ACIN1: variants seen among roughly 807,000 people sequenced by gnomAD.
ACIN1 encodes apoptotic chromatin condensation inducer in the nucleus.
Under a neutral mutation model 146.6 loss-of-function variants are expected in ACIN1, and 16 were observed. The ratio of observed to expected loss-of-function variants is 0.11; its 90% CI spans 0.07 to 0.17. The LOEUF is 0.17. Ranked by LOEUF, ACIN1 falls within the 10% of genes least tolerant of loss-of-function variation. The pLI is 1.00. For missense variants in ACIN1, 1,357 were observed against 1,609.3 expected (o/e 0.84, Z 2.68); for synonymous variants, 569 against 582.7 (o/e 0.98, Z 0.34).
rs777970125 is a variant in ACIN1 at position 23,064,245 on chromosome 14, C to T, written c.2455G>A (p.Asp819Asn). The T allele has an allele frequency of 2.3e-5, 37 of 1,614,038 alleles. No homozygotes were observed. Among genetic ancestry groups the T allele is most frequent in the African/African-American group, 4.0e-5 (3 of 75,068 alleles). The change falls in exon 12 of 19, where the codon GAC (aspartate) becomes AAC (asparagine). Residue 819 changes from aspartate (D) to asparagine (N), a missense_variant. Coordinates refer to ENST00000605057, the MANE Select transcript of ACIN1 (RefSeq NM_001386863.1). ...TTESLKSLIP[D>N]IKPLAGQEAV... Reference sequence around the variant, plus strand: ...TCCTGCCCCGCCAGGGGTTTGATGTCGGGGATGAGGCTCTGGGACACAGAT... The same window carrying T: ...TCCTGCCCCGCCAGGGGTTTGATGTTGGGGATGAGGCTCTGGGACACAGAT...
At position 23,067,933 on chromosome 14, in the gene ACIN1, G is replaced by C; in HGVS notation, c.2265+1543C>G. On this transcript the variant is annotated intron_variant, in intron 9 of 18. Transcript: ENST00000605057. The surrounding 1 kb of genome is among the most constrained non-coding windows in gnomAD (Gnocchi z 4.6). ...CAAGGTCAGAATACTTCTCTTCGGA[G>C]AGTTGTGGCTGGCATCTCCTCAGGG... 1 of 985,864 alleles carries C rather than the reference G, an allele frequency of 1.0e-6. No homozygotes were observed. Among genetic ancestry groups the C allele is most frequent in the African/African-American group, 1.7e-5 (1 of 57,336 alleles). 61.1% of individuals were successfully genotyped at this position (985,864 alleles called of 1,614,324 possible). A position where few individuals can be genotyped will look rare whatever the true frequency, so the allele number is the denominator to read the frequency against.
chr14:23,089,930 C>T (rs973544987), intron 4 of ACIN1, 52 bp downstream of exon 4: 4 of 1,498,732 alleles, frequency 2.7e-6, no homozygotes, highest in Admixed American at 2.1e-5. Flanking sequence ...TACCTCCCCC[C>T]ACCAACTACG....
intron 8 of ACIN1, chr14:23,070,999 G>A (rs2047627436): frequency 8.2e-6 from 9 of 1,094,738 alleles, no homozygotes; most frequent in Non-Finnish European, 1.2e-5. Context: ...AGGACAAAGG[G>A]GGAAGGCAGA....
chr14:23,071,685 ACT>A, intron 8 of ACIN1: 2 of 920,968 alleles, frequency 2.2e-6, no homozygotes, highest in Non-Finnish European at 3.1e-6. Context: ...CAGGGAGCCG[ACT>A]GCTGGCTCCA....
intron 8 of ACIN1, chr14:23,071,181 C>T: frequency 6.5e-7 from 1 of 1,543,286 alleles, no homozygotes; most frequent in Non-Finnish European, 8.7e-7. Flanking sequence ...TGCTGTTTAT[C>T]CCTTTCTGGA....
In ACIN1 at chr14:23,090,577, C is replaced by T. The variant is rs111534949; in HGVS notation, c.261G>A (p.Gln87=). 1.1e-5 allele frequency: 17 copies of T among 1,614,132 alleles called. No individual in the cohort carries two copies. Among genetic ancestry groups the T allele is most frequent in the African/African-American group, 9.3e-5 (7 of 75,042 alleles). Residue 87 remains glutamine, a synonymous_variant, in exon 3 of 19, where the codon CAG becomes CAA. Transcript: ENST00000605057. ...GTTCCAGACGCTGCCTAAGTAGCTC[C>T]TGCTGCTTTTCCAGATACTGTTTTA... The part of the protein sequence containing the change: ...SFIKQYLEKQ[Q]ELLRQRLERE...
intron 17 of ACIN1, 25 bp downstream of exon 17, chr14:23,061,273 G>A (rs2139990465): frequency 1.2e-6 from 2 of 1,613,764 alleles, no homozygotes; most frequent in Non-Finnish European, 1.7e-6. Flanking sequence ...TAGTGGGTAT[G>A]CGTACCCCAT....
chr14:23,059,212 G>C lies in ACIN1; in HGVS notation c.3788C>G (p.Thr1263Ser), dbSNP rs143234123. 1 of 1,613,860 alleles carries C rather than the reference G, an allele frequency of 6.2e-7. No individual in the cohort carries two copies. The highest frequency in any genetic ancestry group is 1.1e-5 in the South Asian group (1 of 91,046). Reference sequence around the variant, plus strand: ...ACTCCGGCTTCTGCTGTGGCGCTTGGTGTCCCTGCGATCCCTTTCCCTGCC... The same window carrying C: ...ACTCCGGCTTCTGCTGTGGCGCTTGCTGTCCCTGCGATCCCTTTCCCTGCC... ...ERGRERDRRD[T>S]KRHSRSRSRS... The change falls in exon 19 of 19, where the codon ACC (threonine) becomes AGC (serine). Residue 1263 changes from threonine to serine, a missense_variant. Transcript: ENST00000605057.
At chr14:23,092,369 G>A (rs564431351) in intron 2 of ACIN1, among the ~76,000 whole-genome samples, 8 of 84,320 alleles carry the variant, frequency 9.5e-5, no homozygotes, top group African/African-American at 2.0e-4. Flanking sequence ...CATGTTTGCT[G>A]CACAAACCCG....
chr14:23,073,904 T>C (rs1423105065), intron 8 of ACIN1, among the ~76,000 whole-genome samples: 1 of 147,234 alleles, frequency 6.8e-6, no homozygotes, highest in Non-Finnish European at 1.5e-5. Context: ...AGTGGCACAA[T>C]CTCAGCTCAC....
At chr14:23,075,305 C>T (rs1423711308) in intron 8 of ACIN1, among the ~76,000 whole-genome samples, 1 of 149,984 alleles carries the variant, frequency 6.7e-6, no homozygotes, top group Admixed American at 6.6e-5. Flanking sequence ...AAACAAATCC[C>T]CTCTTTTCTT....
chr14:23,065,362 C>T (rs1046540530), intron 10 of ACIN1, among the ~76,000 whole-genome samples: 5 of 152,120 alleles, frequency 3.3e-5, no homozygotes, highest in African/African-American at 7.2e-5. Flanking sequence ...CCAAGGCAGG[C>T]GGATCACAAG....
chr14:23,085,051 G>A (rs1013416606), intron 4 of ACIN1, among the ~76,000 whole-genome samples: 2 of 152,130 alleles, frequency 1.3e-5, no homozygotes, highest in African/African-American at 4.8e-5. Flanking sequence ...AGATAAATGT[G>A]TTAAAGTCAA....
At chr14:23,071,237 TAAAGAAAA>T in intron 8 of ACIN1, 1 of 1,509,212 alleles carries the variant, frequency 6.6e-7, no homozygotes, top group Non-Finnish European at 8.8e-7. Context: ...CTAAAAAAAA[TAAAGAAAA>T]AAAACCACAC....
chr14:23,067,605 C>G lies in ACIN1; in HGVS notation c.2266-1597G>C, dbSNP rs1029700516. 1.2e-5 allele frequency: 12 copies of G among 985,924 alleles called. No individual in the cohort carries two copies. The highest frequency in any genetic ancestry group is 1.4e-5 in the Non-Finnish European group (12 of 830,008). 61.1% of individuals were successfully genotyped at this position (985,924 alleles called of 1,614,324 possible). A position where few individuals can be genotyped will look rare whatever the true frequency, so the allele number is the denominator to read the frequency against. On this transcript the variant is annotated intron_variant, in intron 9 of 18. Coordinates refer to ENST00000605057, the MANE Select transcript of ACIN1 (RefSeq NM_001386863.1). The surrounding 1 kb of genome is among the most constrained non-coding windows in gnomAD (Gnocchi z 4.6). Reference sequence around the variant, plus strand: ...GCGAGGGATAGAGGGGGGAAAGGGGCAGAGACATCAGTCCTGGCCCTGAAG... The same window carrying G: ...GCGAGGGATAGAGGGGGGAAAGGGGGAGAGACATCAGTCCTGGCCCTGAAG...
chr14:23,069,371 T>C, intron 9 of ACIN1, 105 bp downstream of exon 9: 1 of 1,489,178 alleles, frequency 6.7e-7, no homozygotes, highest in South Asian at 1.4e-5. Flanking sequence ...GCCTCATCCC[T>C]CCTTTAAGTT....
At position 23,079,789 on chromosome 14, in the gene ACIN1, C is replaced by A; in HGVS notation, c.1546G>T (p.Ala516Ser). The A allele has an allele frequency of 6.2e-7, 1 of 1,614,198 alleles. No individual in the cohort carries two copies. The highest frequency in any genetic ancestry group is 8.5e-7 in the Non-Finnish European group (1 of 1,180,040). The change falls in exon 6 of 19, where the codon GCT (alanine) becomes TCT (serine). Residue 516 changes from alanine to serine, a missense_variant. This residue lies in a region of ACIN1 where 771 missense variants were observed against 746.6 expected (regional missense o/e 1.03). Transcript: ENST00000605057. Reference sequence around the variant, plus strand: ...GAGGACCGGCTAGAGGATGAATCAGCTGACTGTTTCAATCTGTGGCTTGGG... The same window carrying A: ...GAGGACCGGCTAGAGGATGAATCAGATGACTGTTTCAATCTGTGGCTTGGG... ...LLPSHRLKQS[A>S]DSSSSRSSSS...
At chr14:23,085,519 C>G (rs2048068832) in intron 4 of ACIN1, among the ~76,000 whole-genome samples, 1 of 152,118 alleles carries the variant, frequency 6.6e-6, no homozygotes. Flanking sequence ...GATGATTACT[C>G]CTCTGGAAGA....
chr14:23,060,837 C>T (rs1215309115), intron 18 of ACIN1, among the ~76,000 whole-genome samples: 4 of 152,208 alleles, frequency 2.6e-5, no homozygotes, highest in Admixed American at 6.5e-5. Context: ...GAAGCCTGGT[C>T]GGCACAGCCA....
Sources: gnomAD v4.1 joint callset for allele counts (sites outside exome capture counted in the v4.1 genomes callset) on GRCh38, gnomAD v4.1.1 for gene constraint, gnomAD v4.1.1 regional missense constraint, Gnocchi (gnomAD v3.1) non-coding constraint, MANE v1.5 for transcripts, NCBI Gene and HGNC (gene_info 2026-07-23, HGNC 2026-07-21) for gene names.